Variants in TMEM254 observed in about 807,000 individuals in gnomAD.
TMEM254 encodes transmembrane protein 254.
In TMEM254, 16 loss-of-function variants were observed where a neutral mutation model predicts 13.9. That is an observed-to-expected ratio of 1.15 (90% confidence interval 0.78 to 1.75). The LOEUF (loss-of-function observed/expected upper bound fraction) is 1.75. TMEM254 is among the 40% of genes most tolerant of loss of function. TMEM254 has a pLI of 0.00. For synonymous variants in TMEM254, 61 were observed against 56.4 expected, an observed-to-expected ratio of 1.08 and a Z score of -0.36; for missense variants, 155 against 149.0, an observed-to-expected ratio of 1.04 and a Z score of -0.21.
At chr10:80,090,115 A>G (rs1280007689) in intron 3 of TMEM254, among the ~76,000 whole-genome samples, 3 of 152,188 alleles carry the variant, frequency 2.0e-5, no homozygotes, top group African/African-American at 7.2e-5. Flanking sequence ...TTGCTTTTAC[A>G]TATATTGTTT....
At chr10:80,081,820 G>C (rs1242473328) in intron 1 of TMEM254, 21 bp from the exon 2 acceptor site, 3 of 1,614,040 alleles carry the variant, frequency 1.9e-6, no homozygotes, top group South Asian at 1.1e-5. Context: ...TAGGTATTCT[G>C]TGTCTCTGCT....
At chr10:80,082,326 C>T in intron 3 of TMEM254, 122 bp downstream of exon 3, 1 of 1,128,224 alleles carries the variant, frequency 8.9e-7, no homozygotes, top group Non-Finnish European at 1.3e-6. Context: ...AGAGCGGAAT[C>T]CCCATGCCTG....
intron 1 of TMEM254, among the ~76,000 whole-genome samples, chr10:80,081,343 G>C (rs1844011683): frequency 6.6e-6 from 1 of 152,090 alleles, no homozygotes. Flanking sequence ...ACTTTCCTCA[G>C]CATAAGTCTC....
chr10:80,090,472 A>C, intron 3 of TMEM254: 1 of 716,446 alleles, frequency 1.4e-6, no homozygotes, highest in South Asian at 1.5e-5. Flanking sequence ...TCTATTTGCA[A>C]AACATTTGCT....
chr10:80,079,556 T>G lies in TMEM254; in HGVS notation c.87+770T>G, dbSNP rs1370587025. The stretch of plus-strand genomic sequence containing the variant: ...TAAAGGATGGGTAGGATTTAAGTGG[T>G]AAGGGAGGATAAAGAGGCTATAACT... On this transcript the variant is annotated intron_variant, in intron 1 of 3. Transcript: ENST00000372281. 3.0e-6 allele frequency: 3 copies of G among 1,007,218 alleles called. No individual in the cohort carries two copies. The African/African-American group carries it at 5.2e-5, about 17-fold the overall frequency. 62.4% of individuals were successfully genotyped at this position (1,007,218 alleles called of 1,614,324 possible).
At chr10:80,088,494 C>A (rs1844420525) in intron 3 of TMEM254, among the ~76,000 whole-genome samples, 2 of 149,074 alleles carry the variant, frequency 1.3e-5, no homozygotes, top group African/African-American at 5.0e-5. Context: ...ATTATTGAGT[C>A]TTCTAAATGA....
chr10:80,081,537 A>T, intron 1 of TMEM254: 1 of 681,792 alleles, frequency 1.5e-6, no homozygotes, highest in Non-Finnish European at 2.5e-6. Flanking sequence ...GCATGGTGGC[A>T]CACACGTGTA....
intron 1 of TMEM254, chr10:80,079,268 C>T (rs916085318): frequency 9.0e-5 from 110 of 1,223,690 alleles, no homozygotes; most frequent in Non-Finnish European, 1.1e-4. Context: ...GGAACGGGGC[C>T]TGTGCGCACG....
intron 3 of TMEM254, among the ~76,000 whole-genome samples, chr10:80,084,858 G>A (rs557909553): frequency 6.6e-5 from 10 of 151,660 alleles, no homozygotes; most frequent in African/African-American, 1.2e-4. Flanking sequence ...ACGGAGTTTC[G>A]CTCTGTCGCC....
chr10:80,085,498 C>T (rs562084833), intron 3 of TMEM254, among the ~76,000 whole-genome samples: 2 of 151,208 alleles, frequency 1.3e-5, no homozygotes, highest in Admixed American at 6.6e-5. Context: ...ACCTGGGAGG[C>T]GGAGGTTGCG....
intron 1 of TMEM254, among the ~76,000 whole-genome samples, chr10:80,081,307 G>A (rs1163009934): frequency 2.0e-5 from 3 of 152,028 alleles, no homozygotes; most frequent in Admixed American, 6.6e-5. Flanking sequence ...GTCATCCACC[G>A]TGGGCACTGA....
At chr10:80,085,965 G>A (rs181229645) in intron 3 of TMEM254, among the ~76,000 whole-genome samples, 1 of 152,154 alleles carries the variant, frequency 6.6e-6, no homozygotes, top group Non-Finnish European at 1.5e-5. Flanking sequence ...GCAAAAATTT[G>A]TATGTAGAGT....
In TMEM254 at chr10:80,092,402, A is replaced by G. The variant is rs564026657; in HGVS notation, c.*1485A>G. 1.3e-5 allele frequency: 2 copies of G among 152,326 alleles called. No individual in the cohort carries two copies. The highest frequency in any genetic ancestry group is 4.8e-5 in the African/African-American group (2 of 41,582). The allele number at this position is 152,326 out of a possible 1,614,324, so 9.4% of individuals were successfully genotyped here. On this transcript the variant is annotated 3_prime_UTR_variant, in exon 4 of 4. Transcript: ENST00000372281. ...TAAGGAAAAGGATTTTTAACCATAG[A>G]GTTAGGCATCATGGAAATTCAAACC...
Position 80,091,821 on chromosome 10 carries a change from A to G in TMEM254, c.*904A>G, listed in dbSNP as rs1215470633. 1.3e-5 allele frequency: 2 copies of G among 152,118 alleles called. No individual in the cohort carries two copies. Among genetic ancestry groups the G allele is most frequent in the African/African-American group, 2.4e-5 (1 of 41,422 alleles). 9.4% of individuals were successfully genotyped at this position (152,118 alleles called of 1,614,324 possible). On this transcript the variant is annotated 3_prime_UTR_variant, in exon 4 of 4. Coordinates refer to ENST00000372281, the MANE Select transcript of TMEM254 (RefSeq NM_025125.4). ...TTTTTATGTGAAAATGGCACAACCC[A>G]TTTGGGGTACCCTCACCCCAAAATA...
chr10:80,081,180 A>T (rs904924394), intron 1 of TMEM254, among the ~76,000 whole-genome samples: 4 of 151,982 alleles, frequency 2.6e-5, no homozygotes, highest in African/African-American at 9.7e-5. Context: ...GAGCCCGGGA[A>T]GTCAAGGGTG....
chr10:80,088,212 C>T (rs1844406224), intron 3 of TMEM254, among the ~76,000 whole-genome samples: 1 of 152,046 alleles, frequency 6.6e-6, no homozygotes, highest in Non-Finnish European at 1.5e-5. Flanking sequence ...GCCTGTTTAT[C>T]CTTGGGCTAA....
intron 3 of TMEM254, among the ~76,000 whole-genome samples, chr10:80,084,050 A>G (rs569027317): frequency 6.6e-6 from 1 of 152,236 alleles, no homozygotes; most frequent in East Asian, 1.9e-4. Flanking sequence ...GCACCACTGC[A>G]CTCTAGCCTG....
intron 3 of TMEM254, among the ~76,000 whole-genome samples, chr10:80,088,414 A>G (rs912480233): frequency 6.6e-6 from 1 of 151,602 alleles, no homozygotes; most frequent in African/African-American, 2.4e-5. Flanking sequence ...TTTGGAGAAT[A>G]TTGGCATATT....
At chr10:80,081,058 C>T (rs1302432415) in intron 1 of TMEM254, among the ~76,000 whole-genome samples, 2 of 151,972 alleles carry the variant, frequency 1.3e-5, no homozygotes, top group South Asian at 2.1e-4. Context: ...CCAGCCTAAG[C>T]GACAGAGTGA....
Sources: gnomAD v4.1 joint callset for allele counts (sites outside exome capture counted in the v4.1 genomes callset) on GRCh38, gnomAD v4.1.1 for gene constraint, MANE v1.5 for transcripts, NCBI Gene and HGNC (gene_info 2026-07-23, HGNC 2026-07-21) for gene names.